Variants in BDP1 observed in about 807,000 individuals in gnomAD.
BDP1 encodes transcription factor TFIIIB component B'' homolog.
BDP1 carries 169 observed loss-of-function variants against 266.6 expected under a neutral mutation model. The observed-to-expected ratio is 0.63, with a 90% CI of 0.56 to 0.72. BDP1 has a LOEUF of 0.72. Ranked by LOEUF, BDP1 falls within the 30% of genes least tolerant of loss-of-function variation. BDP1 has a pLI of 0.00. For synonymous variants in BDP1, 1,090 were observed against 1,022.4 expected, an observed-to-expected ratio of 1.07 and a Z score of -1.26; for missense variants, 3,015 against 3,053.8, an observed-to-expected ratio of 0.99 and a Z score of 0.30.
At chr5:71,573,391 A>G in the BDP1 span, among the ~76,000 whole-genome samples, 3 of 152,194 alleles carry the variant, frequency 2.0e-5, no homozygotes, top group African/African-American at 7.2e-5. Context: ...CCATAGCTGG[A>G]GAGTCCTTAG....
At chr5:71,553,383 A>C (rs1387092117) in intron 35 of BDP1, 63 bp downstream of exon 35, 21 of 1,143,796 alleles carry the variant, frequency 1.8e-5, no homozygotes, top group Admixed American at 4.2e-5. Context: ...ATTGCAACAG[A>C]TCTGTTCCTA....
intron 38 of BDP1, among the ~76,000 whole-genome samples, chr5:71,564,203 A>G (rs966755879): frequency 1.3e-5 from 2 of 152,100 alleles, no homozygotes; most frequent in Non-Finnish European, 2.9e-5. Context: ...TTTCATTGAT[A>G]TATCTGTCAT....
In BDP1 at chr5:71,461,927, G is replaced by T; in HGVS notation, c.599+1G>T. The T allele has an allele frequency of 8.1e-7, 1 of 1,233,778 alleles. No homozygotes were observed. Among genetic ancestry groups the T allele is most frequent in the Non-Finnish European group, 1.2e-6 (1 of 856,284 alleles). The allele number at this position is 1,233,778 out of a possible 1,614,324, so 76.4% of individuals were successfully genotyped here. A position where few individuals can be genotyped will look rare whatever the true frequency, so the allele number is the denominator to read the frequency against. On this transcript the variant is annotated splice_donor_variant, in intron 3 of 38. Transcript: ENST00000358731. LOFTEE classifies it high-confidence loss of function. ...ATCTACCAGATAATAATCCAATGAC[G>T]TAAGTAAAATTTATTTCTGCTTTAC...
chr5:71,543,310 AG>A (rs1309442569), intron 30 of BDP1, among the ~76,000 whole-genome samples: 6 of 151,968 alleles, frequency 3.9e-5, no homozygotes, highest in Admixed American at 3.3e-4. Context: ...AAAGAAAATC[AG>A]GCTGGGCACG....
Position 71,556,892 on chromosome 5 carries a change from T to C in BDP1, c.7207T>C (p.Ser2403Pro). 1 of 1,439,570 alleles carries C rather than the reference T, an allele frequency of 6.9e-7. No individual in the cohort carries two copies. The highest frequency in any genetic ancestry group is 9.3e-7 in the Non-Finnish European group (1 of 1,075,376). The allele number at this position is 1,439,570 out of a possible 1,614,324, so 89.2% of individuals were successfully genotyped here. A position where few individuals can be genotyped will look rare whatever the true frequency, so the allele number is the denominator to read the frequency against. Residue 2403 changes from serine (S) to proline (P), a missense_variant, in exon 36 of 39, where the codon TCA becomes CCA. Physicochemically the swap from Ser to Pro is moderately conservative, Grantham distance 74. Around this residue, in one of 3 missense-constraint regions of BDP1, gnomAD observed 629 missense variants for 632.5 expected, o/e 0.99. Transcript: ENST00000358731. The part of the protein sequence containing the change: ...DCQEYTTEVH[S>P]KELTNVFEET... ...TTAAATTTTCTTAAAATAGGTGCAC[T>C]CAAAGGAATTAACAAATGTTTTTGA...
At chr5:71,554,305 T>C (rs1412623493) in intron 35 of BDP1, among the ~76,000 whole-genome samples, 1 of 152,226 alleles carries the variant, frequency 6.6e-6, no homozygotes, top group Non-Finnish European at 1.5e-5. Flanking sequence ...ACTTTTCAAT[T>C]AGATTATTGA....
chr5:71,468,453 A>AT lies in BDP1; in HGVS notation c.919+981dup, dbSNP rs879364385. Among the ~76,000 whole-genome samples the AT allele has an allele frequency of 1.5e-3, 217 of 141,732 alleles. 1 individual carries two copies. The highest frequency in any genetic ancestry group is 3.2e-3 in the African/African-American group (123 of 38,964). 93.0% of individuals were successfully genotyped at this position (141,732 alleles called of 152,430 possible). On this transcript the variant is annotated intron_variant, in intron 6 of 38. Coordinates refer to ENST00000358731, the MANE Select transcript of BDP1 (RefSeq NM_018429.3). ...GTGAGTCGTTGTGCCCAGCCCAGAA[A>AT]TTTTTTTTTTTTTTTAATTTCTTTC...
chr5:71,458,780 A>G lies in BDP1; in HGVS notation c.414A>G (p.Pro138=). 6.2e-7 allele frequency: 1 copy of G among 1,614,126 alleles called. No homozygotes were observed. The highest frequency in any genetic ancestry group is 1.3e-5 in the African/African-American group (1 of 75,058). The change falls in exon 2 of 39, where the codon CCA becomes CCG. Residue 138 remains proline, a synonymous_variant. Transcript: ENST00000358731. ...PTATSTKEKQ[P]CSDRYRIYKA... is the part of the protein sequence containing the mutation. ...CCACTTCAACAAAAGAGAAACAGCC[A>G]TGCTCAGACAGATACCGAATATACA...
chr5:71,496,256 AAG>A (rs1491352934), intron 12 of BDP1, among the ~76,000 whole-genome samples: 5 of 151,334 alleles, frequency 3.3e-5, no homozygotes, highest in African/African-American at 1.2e-4. Flanking sequence ...AAAAAAAAAA[AAG>A]AAAGCTATTC....
Position 71,549,611 on chromosome 5 carries a change from C to T in BDP1, c.6995+5C>T, listed in dbSNP as rs745737814. Reference sequence around the variant, plus strand: ...CGAAGAAAGGGGTGACATGAGGTAACGAATGAGTGAAACTGTTTTTGCTAG... The same window carrying T: ...CGAAGAAAGGGGTGACATGAGGTAATGAATGAGTGAAACTGTTTTTGCTAG... On this transcript the variant is annotated splice_donor_5th_base_variant and intron_variant, in intron 34 of 38. Transcript: ENST00000358731. 56 of 1,583,408 alleles carry T rather than the reference C, an allele frequency of 3.5e-5. No individual in the cohort carries two copies. The highest frequency in any genetic ancestry group is 3.4e-4 in the Middle Eastern group (2 of 5,946).
the BDP1 span, among the ~76,000 whole-genome samples, chr5:71,577,931 CA>C: frequency 1.9e-4 from 29 of 152,196 alleles, no homozygotes; most frequent in South Asian, 3.1e-3. Context: ...TGTTGGGAGC[CA>C]AAAAGGCCAA....
chr5:71,567,258 C>T lies in BDP1; in HGVS notation c.*2373C>T, dbSNP rs1473501504. 6 of 152,238 alleles carry T rather than the reference C, an allele frequency of 3.9e-5. No homozygotes were observed. Among genetic ancestry groups the T allele is most frequent in the South Asian group, 2.1e-4 (1 of 4,830 alleles). 9.4% of individuals were successfully genotyped at this position (152,238 alleles called of 1,614,324 possible). On this transcript the variant is annotated 3_prime_UTR_variant, in exon 39 of 39. Transcript: ENST00000358731. ...ATCCTTGTGTAATATTAGTTTTTAA[C>T]TTTAACATCTGTTTCTTTTTAATCT...
At chr5:71,547,475 A>G (rs1742419115) in intron 32 of BDP1, among the ~76,000 whole-genome samples, 1 of 152,166 alleles carries the variant, frequency 6.6e-6, no homozygotes, top group South Asian at 2.1e-4. Flanking sequence ...ATGCTGACTG[A>G]TCACTTGGCT....
In BDP1 at chr5:71,509,423, C is replaced by G. The variant is rs778085135; in HGVS notation, c.2373-42C>G. The G allele has an allele frequency of 1.7e-5, 25 of 1,496,904 alleles. No homozygotes were observed. In the East Asian group the frequency reaches 5.5e-4, roughly 33 times the overall value. The allele number at this position is 1,496,904 out of a possible 1,614,324, so 92.7% of individuals were successfully genotyped here. ...AAACATCATCTCTTCAGCAGGCAGT[C>G]TGGTTTAAAACTTGATTGTGTGCCC... On this transcript the variant is annotated intron_variant, in intron 16 of 38. Coordinates refer to ENST00000358731, the MANE Select transcript of BDP1 (RefSeq NM_018429.3).
Position 71,510,344 on chromosome 5 carries a change from T to C in BDP1, c.3252T>C (p.Ile1084=). The change falls in exon 17 of 39, where the codon ATT becomes ATC. Residue 1084 remains isoleucine, a synonymous_variant. Transcript: ENST00000358731. The stretch of plus-strand genomic sequence containing the variant: ...AGACACCAGAGGTGATTGATGCCAT[T>C]GAGGAAATAGAGATAGATTTGGAAG... ...RGKTPEVIDA[I]EEIEIDLEET... is the part of the protein sequence containing the mutation. The C allele has an allele frequency of 6.2e-7, 1 of 1,613,578 alleles. No homozygotes were observed.
At position 71,467,360 on chromosome 5, in the gene BDP1, T is replaced by C. The variant is rs762235049; in HGVS notation, c.792T>C (p.Thr264=). The change falls in exon 6 of 39, where the codon ACT becomes ACC. Residue 264 remains threonine, a synonymous_variant. Coordinates refer to ENST00000358731, the MANE Select transcript of BDP1 (RefSeq NM_018429.3). ...AAAAATGTGTTTATTTCAGTTTAAC[T>C]GTAGAAGTTTTAAGAACAAAAGGCC... ...GSIILDEESL[T]VEVLRTKGPC... The C allele has an allele frequency of 6.2e-7, 1 of 1,602,488 alleles. No individual in the cohort carries two copies. The highest frequency in any genetic ancestry group is 1.7e-5 in the Admixed American group (1 of 58,754).
At chr5:71,503,991 GAC>G (rs1764416071) in intron 15 of BDP1, among the ~76,000 whole-genome samples, 1 of 151,722 alleles carries the variant, frequency 6.6e-6, no homozygotes, top group African/African-American at 2.4e-5. Flanking sequence ...AAAAAATTCT[GAC>G]CAGGCGCAGT....
chr5:71,574,675 A>T, the BDP1 span, among the ~76,000 whole-genome samples: 1 of 152,240 alleles, frequency 6.6e-6, no homozygotes, highest in African/African-American at 2.4e-5. Flanking sequence ...GACTCTGATT[A>T]TGAAGGAGAA....
chr5:71,495,194 A>T (rs1763807789), intron 11 of BDP1, 56 bp from the exon 12 acceptor site: 2 of 1,082,428 alleles, frequency 1.8e-6, no homozygotes, highest in East Asian at 2.9e-5. Context: ...AAAAATAATT[A>T]TAAAATATAT....
Sources: gnomAD v4.1 joint callset for allele counts (sites outside exome capture counted in the v4.1 genomes callset) on GRCh38, gnomAD v4.1.1 for gene constraint, gnomAD v4.1.1 regional missense constraint, MANE v1.5 for transcripts, NCBI Gene and HGNC (gene_info 2026-07-23, HGNC 2026-07-21) for gene names.